Variants in SLC14A2 observed in about 807,000 individuals in gnomAD.
The protein encoded by SLC14A2 is solute carrier family 14 member 2, also known as urea transporter 2.
Under a neutral mutation model 104.6 loss-of-function variants are expected in SLC14A2, and 91 were observed. The observed-to-expected ratio is 0.87, with a 90% CI of 0.73 to 1.04. SLC14A2 has a LOEUF of 1.04. Among genes scored for constraint, SLC14A2 ranks in the 50% least tolerant of loss-of-function variants. The probability of loss-of-function intolerance (pLI) is 0.00; values close to 1 mark genes in which losing one functional copy is unlikely to be tolerated. For missense variants in SLC14A2, 1,189 were observed against 1,156.0 expected (o/e 1.03, Z -0.41); for synonymous variants, 476 against 466.4 (o/e 1.02, Z -0.27).
At chr18:45,641,906 T>C (rs80281213) in intron 8 of SLC14A2, among the ~76,000 whole-genome samples, 3 of 152,326 alleles carry the variant, frequency 2.0e-5, no homozygotes, top group Admixed American at 6.5e-5. Context: ...AAATCAGCCA[T>C]AGTCCTTCTC....
At chr18:45,355,606 A>AT (rs1219320141) in intron 1 of SLC14A2, among the ~76,000 whole-genome samples, 58 of 129,636 alleles carry the variant, frequency 4.5e-4, no homozygotes, top group East Asian at 8.8e-4. Flanking sequence ...AAAAACCCTG[A>AT]TTTTTTTTAG....
At chr18:45,205,448 A>G in the SLC14A2 span, among the ~76,000 whole-genome samples, 1 of 152,212 alleles carries the variant, frequency 6.6e-6, no homozygotes, top group Non-Finnish European at 1.5e-5. Flanking sequence ...ATCTGGGGAT[A>G]GAAGGAGCAG....
intron 1 of SLC14A2, among the ~76,000 whole-genome samples, chr18:45,220,116 T>C (rs2084047570): frequency 8.1e-6 from 1 of 124,124 alleles, no homozygotes. Flanking sequence ...AGATCTGATA[T>C]TGCTCTCTAT....
chr18:45,660,182 A>G (rs991025691), intron 10 of SLC14A2, among the ~76,000 whole-genome samples: 13 of 152,168 alleles, frequency 8.5e-5, no homozygotes, highest in Admixed American at 1.3e-4. Context: ...AATGTGTTCA[A>G]CAAACTACAG....
chr18:45,188,208 G>A, the SLC14A2 span, among the ~76,000 whole-genome samples: 3 of 152,270 alleles, frequency 2.0e-5, no homozygotes, highest in Non-Finnish European at 4.4e-5. Context: ...ATAGTTTGAA[G>A]GAAGTATAAG....
the SLC14A2 span, among the ~76,000 whole-genome samples, chr18:45,188,929 T>C: frequency 1.3e-5 from 2 of 152,284 alleles, no homozygotes; most frequent in Admixed American, 6.5e-5. Flanking sequence ...CCAGAACATC[T>C]GAAAGTGGGA....
intron 1 of SLC14A2, among the ~76,000 whole-genome samples, chr18:45,473,421 A>G (rs1310995319): frequency 4.6e-5 from 7 of 152,336 alleles, no homozygotes; most frequent in African/African-American, 1.7e-4. Context: ...AAGAAAGCCA[A>G]TGGTAGCTTG....
chr18:45,257,696 T>C (rs913269841), intron 1 of SLC14A2, among the ~76,000 whole-genome samples: 2 of 152,156 alleles, frequency 1.3e-5, no homozygotes, highest in African/African-American at 4.8e-5. Flanking sequence ...TAGAGGAGGT[T>C]CCCCAAAGTG....
intron 1 of SLC14A2, among the ~76,000 whole-genome samples, chr18:45,469,861 C>CTTGG (rs2087213934): frequency 6.6e-6 from 1 of 152,116 alleles, no homozygotes; most frequent in Non-Finnish European, 1.5e-5. Context: ...TAGGCAGGGA[C>CTTGG]ACATTATAAA....
chr18:45,669,279 C>T (rs768772845), intron 15 of SLC14A2, 27 bp from the exon 16 acceptor site: 81 of 1,592,256 alleles, frequency 5.1e-5, no homozygotes, highest in Non-Finnish European at 6.7e-5. Flanking sequence ...GCTTCCTGAC[C>T]AGCATCTCTC....
chr18:45,414,757 A>AAAAAAAAATATAT (rs1360051908), intron 1 of SLC14A2, among the ~76,000 whole-genome samples: 19 of 76,098 alleles, frequency 2.5e-4, no homozygotes, highest in East Asian at 3.8e-4. Context: ...AAAAAAAAAA[A>AAAAAAAAATATAT]ATATATATAT....
chr18:45,365,146 A>C (rs577330969), intron 1 of SLC14A2, among the ~76,000 whole-genome samples: 7 of 152,246 alleles, frequency 4.6e-5, no homozygotes, highest in African/African-American at 1.4e-4. Context: ...TAAGACCCCG[A>C]GCTCAGAGGA....
chr18:45,672,051 G>T (rs1228929400), intron 16 of SLC14A2, among the ~76,000 whole-genome samples: 5 of 152,180 alleles, frequency 3.3e-5, no homozygotes, highest in African/African-American at 1.2e-4. Context: ...TGCCCTGGGG[G>T]TTTATTAATC....
intron 1 of SLC14A2, among the ~76,000 whole-genome samples, chr18:45,390,631 A>G (rs957764778): frequency 3.2e-4 from 49 of 152,352 alleles, no homozygotes; most frequent in Middle Eastern, 3.4e-3. Context: ...GAGGGTATAT[A>G]TAAAGTGTTA....
At chr18:45,633,376 A>C (rs2045374253) in intron 5 of SLC14A2, among the ~76,000 whole-genome samples, 2 of 152,204 alleles carry the variant, frequency 1.3e-5, no homozygotes, top group South Asian at 4.1e-4. Context: ...AAAGCATAGA[A>C]CCTTTGAACT....
chr18:45,430,623 T>G (rs190352224), intron 1 of SLC14A2, among the ~76,000 whole-genome samples: 17 of 152,224 alleles, frequency 1.1e-4, no homozygotes, highest in South Asian at 8.3e-4. Flanking sequence ...TTTCCCAGGC[T>G]GGAGTGCAGT....
intron 2 of SLC14A2, among the ~76,000 whole-genome samples, chr18:45,483,696 T>C (rs935880049): frequency 3.9e-5 from 6 of 152,180 alleles, no homozygotes; most frequent in Admixed American, 2.0e-4. Context: ...CCATACTTCA[T>C]TAGTTTTCCT....
chr18:45,596,878 C>A (rs548594484), intron 2 of SLC14A2, among the ~76,000 whole-genome samples: 1 of 152,332 alleles, frequency 6.6e-6, no homozygotes, highest in South Asian at 2.1e-4. Flanking sequence ...GCCTTCACAG[C>A]TGCTCTGCAC....
intron 1 of SLC14A2, among the ~76,000 whole-genome samples, chr18:45,473,752 TG>T (rs2087298173): frequency 6.6e-6 from 1 of 152,226 alleles, no homozygotes; most frequent in Non-Finnish European, 1.5e-5. Flanking sequence ...TTGCTGAAGT[TG>T]CTGATCAGCT....
Sources: gnomAD v4.1 joint callset for allele counts (sites outside exome capture counted in the v4.1 genomes callset) on GRCh38, gnomAD v4.1.1 for gene constraint, MANE v1.5 for transcripts, NCBI Gene and HGNC (gene_info 2026-07-23, HGNC 2026-07-21) for gene names.